Variants in GPHN observed in about 807,000 individuals in gnomAD.
GPHN encodes the protein gephyrin.
A neutral mutation model predicts 95.5 loss-of-function variants in GPHN; 17 were observed. The observed-to-expected ratio is 0.18, with a 90% CI of 0.12 to 0.27. GPHN has a LOEUF of 0.27. Ranked by LOEUF, GPHN falls within the 10% of genes least tolerant of loss-of-function variation. The probability of loss-of-function intolerance (pLI) is 1.00; values close to 1 mark genes in which losing one functional copy is unlikely to be tolerated. For synonymous variants in GPHN, 320 were observed against 322.5 expected, an observed-to-expected ratio of 0.99 and a Z score of 0.08; for missense variants, 660 against 978.1, an observed-to-expected ratio of 0.67 and a Z score of 4.34.
chr14:66,988,488 C>T (rs74743293), intron 9 of GPHN, among the ~76,000 whole-genome samples: 1 of 152,044 alleles, frequency 6.6e-6, no homozygotes, highest in African/African-American at 2.4e-5. Flanking sequence ...GGTAATCTGG[C>T]AAGTAGACAC....
At chr14:67,695,518 A>T in the GPHN span, 2 of 1,082,136 alleles carry the variant, frequency 1.8e-6, no homozygotes, top group Non-Finnish European at 2.6e-6. Flanking sequence ...GGGCTCCGCC[A>T]TCTTGGAGCC....
At chr14:67,577,875 T>C in the GPHN span, 10 of 654,112 alleles carry the variant, frequency 1.5e-5, no homozygotes, top group East Asian at 2.8e-4. Flanking sequence ...TAAGCAGAGA[T>C]GCCCTCCAAC....
At chr14:66,645,954 C>T (rs28509303) in intron 1 of GPHN, among the ~76,000 whole-genome samples, 3,673 of 152,048 alleles carry the variant, frequency 0.024, 139 homozygotes, top group African/African-American at 0.082. Context: ...CCACATCTTC[C>T]GTTCTCTGAT....
chr14:66,527,413 AC>A (rs1017129686), intron 1 of GPHN, among the ~76,000 whole-genome samples: 9 of 151,046 alleles, frequency 6.0e-5, no homozygotes, highest in Non-Finnish European at 8.9e-5. Flanking sequence ...AAAAAAAAAA[AC>A]AGCTCCTGGA....
At chr14:67,058,905 TC>T in intron 11 of GPHN, 119 bp downstream of exon 11, 1 of 928,524 alleles carries the variant, frequency 1.1e-6, no homozygotes, top group Non-Finnish European at 1.7e-6. Context: ...ATTACAGTTA[TC>T]ATCATTCTTT....
the GPHN span, among the ~76,000 whole-genome samples, chr14:67,346,054 A>G: frequency 6.6e-6 from 1 of 152,236 alleles, no homozygotes; most frequent in African/African-American, 2.4e-5. Context: ...GCTACTAAAT[A>G]CAGTTTCCCA....
intron 5 of GPHN, among the ~76,000 whole-genome samples, chr14:66,910,990 A>G (rs896667778): frequency 2.0e-5 from 3 of 152,020 alleles, no homozygotes; most frequent in Non-Finnish European, 4.4e-5. Context: ...GAGAAAACCA[A>G]GTTGTATAAG....
At chr14:67,130,850 G>A (rs981730888) in intron 17 of GPHN, among the ~76,000 whole-genome samples, 1 of 152,056 alleles carries the variant, frequency 6.6e-6, no homozygotes, top group Admixed American at 6.6e-5. Flanking sequence ...TCTGTGATTA[G>A]GGATATGTTA....
chr14:66,878,339 T>C (rs574712904), intron 4 of GPHN, among the ~76,000 whole-genome samples: 19 of 152,096 alleles, frequency 1.2e-4, no homozygotes, highest in Admixed American at 4.6e-4. Flanking sequence ...CAAAAAGCAA[T>C]TGCAACAAAA....
At chr14:67,572,006 C>G in the GPHN span, 9 of 1,474,940 alleles carry the variant, frequency 6.1e-6, no homozygotes, top group Non-Finnish European at 7.3e-6. Flanking sequence ...GAGCTCGTGA[C>G]CCCCCAGCAG....
In GPHN at chr14:66,658,397, G is replaced by A. The variant is rs544351576; in HGVS notation, c.65-22710G>A. Among the ~76,000 whole-genome samples, 6 of 152,242 alleles carry A rather than the reference G, an allele frequency of 3.9e-5. No homozygotes were observed. The East Asian group carries it at 1.2e-3, about 29-fold the overall frequency. On this transcript the variant is annotated intron_variant, in intron 1 of 22. Transcript: ENST00000478722. ...TTGATAAAACAGTGGCAGGATCTGT[G>A]AGGATTGACTCTTCCAATTTTGAAA...
intron 2 of GPHN, among the ~76,000 whole-genome samples, chr14:66,705,077 A>G (rs1008291835): frequency 2.0e-5 from 3 of 152,258 alleles, no homozygotes; most frequent in Non-Finnish European, 4.4e-5. Context: ...GAAATGGATA[A>G]ATTCCTGGAC....
intron 1 of GPHN, among the ~76,000 whole-genome samples, chr14:66,632,989 C>A (rs571750767): frequency 6.6e-6 from 1 of 152,178 alleles, no homozygotes; most frequent in Non-Finnish European, 1.5e-5. Context: ...TTTCTGTGCC[C>A]TTGCTCAGGC....
the GPHN span, among the ~76,000 whole-genome samples, chr14:67,485,565 T>C: frequency 1.3e-5 from 2 of 152,196 alleles, no homozygotes; most frequent in Admixed American, 6.5e-5. Context: ...TGTTCAAGAT[T>C]GCAAAAGCCC....
chr14:67,691,892 T>C, the GPHN span: 1 of 154,192 alleles, frequency 6.5e-6, no homozygotes, highest in Non-Finnish European at 1.4e-5. Context: ...AATATCCTCA[T>C]ATCATTTGGT....
intron 10 of GPHN, among the ~76,000 whole-genome samples, chr14:67,032,662 G>A (rs1201775220): frequency 6.6e-6 from 1 of 152,122 alleles, no homozygotes; most frequent in Non-Finnish European, 1.5e-5. Context: ...AGAGAAACCT[G>A]CAAACCTCTC....
At chr14:67,286,203 A>T in the GPHN span, among the ~76,000 whole-genome samples, 1 of 152,120 alleles carries the variant, frequency 6.6e-6, no homozygotes, top group East Asian at 1.9e-4. Flanking sequence ...CCGCCTTAGT[A>T]CTTACTTTTT....
chr14:67,468,166 G>T, the GPHN span, among the ~76,000 whole-genome samples: 3 of 152,074 alleles, frequency 2.0e-5, no homozygotes, highest in Non-Finnish European at 4.4e-5. Context: ...TAGAGATGGG[G>T]TTTCACCATG....
chr14:67,252,016 G>A, the GPHN span, among the ~76,000 whole-genome samples: 3 of 152,130 alleles, frequency 2.0e-5, no homozygotes, highest in Non-Finnish European at 2.9e-5. Flanking sequence ...GGTGCTGGGA[G>A]GCTGGTTTGA....
Sources: gnomAD v4.1 joint callset for allele counts (sites outside exome capture counted in the v4.1 genomes callset) on GRCh38, gnomAD v4.1.1 for gene constraint, MANE v1.5 for transcripts, NCBI Gene and HGNC (gene_info 2026-07-23, HGNC 2026-07-21) for gene names.